The following ZNF778 variants were observed in gnomAD, a reference collection of about 807,000 sequenced individuals.
The protein encoded by ZNF778 is zinc finger protein 778.
Under a neutral mutation model 23.9 loss-of-function variants are expected in ZNF778, and 37 were observed. The observed-to-expected ratio is 1.54, with a 90% CI of 1.19 to 2.03. The LOEUF (loss-of-function observed/expected upper bound fraction) is 2.03, where lower values mean the gene tolerates loss of function less well. Ranked by LOEUF, ZNF778 falls within the 30% of genes most tolerant of loss-of-function variation. ZNF778 has a pLI of 0.00. For missense variants in ZNF778, 1,297 were observed against 934.4 expected (o/e 1.39, Z -5.06); for synonymous variants, 483 against 343.9 (o/e 1.40, Z -4.48).
rs1205985966 is a variant in ZNF778, at chr16:89,221,120, C to A, written c.-8C>A. The A allele has an allele frequency of 7.0e-6, 11 of 1,567,776 alleles. No individual in the cohort carries two copies. The highest frequency in any genetic ancestry group is 8.7e-6 in the Non-Finnish European group (10 of 1,155,846). ...GGAGCATTCAGACGCTTCCGTCAGC[C>A]TCCCAGGATGGCAGCCCCTGACCTG... On this transcript the variant is annotated 5_prime_UTR_variant, in exon 2 of 7. Transcript: ENST00000433976.
Position 89,226,662 on chromosome 16 carries a change from CCCCCTGACCACCA to C in ZNF778, c.406-30_406-18del, listed in dbSNP as rs2031495563. ...GAGATCTATGAATCAGCCTCAGTAA[CCCCCTGACCACCA>C]CTCATTCTTCACCAACAGGCAAGAA... On this transcript the variant is annotated intron_variant, in intron 6 of 6. Transcript: ENST00000433976. 1 of 1,566,698 alleles carries C rather than the reference CCCCCTGACCACCA, an allele frequency of 6.4e-7. No homozygotes were observed. Among genetic ancestry groups the C allele is most frequent in the South Asian group, 1.2e-5 (1 of 85,562 alleles).
chr16:89,232,942 C>CTAAGCAACTCAGCTCGCTCTGCG lies in ZNF778; in HGVS notation c.*4382_*4383insAGCAACTCAGCTCGCTCTGCGTA, dbSNP rs2032021767. On this transcript the variant is annotated 3_prime_UTR_variant, in exon 7 of 7. Coordinates refer to ENST00000433976, the MANE Select transcript of ZNF778 (RefSeq NM_001201407.2). ...CTGCGTATGCGAATCCACTCACTGC[C>CTAAGCAACTCAGCTCGCTCTGCG]TATGCAACTCAGCTCGCTCTGCGTA... 1.6e-6 allele frequency: 2 copies of CTAAGCAACTCAGCTCGCTCTGCG among 1,239,864 alleles called. No homozygotes were observed. Among genetic ancestry groups the CTAAGCAACTCAGCTCGCTCTGCG allele is most frequent in the Admixed American group, 2.6e-5 (1 of 39,120 alleles). The allele number at this position is 1,239,864 out of a possible 1,614,324, so 76.8% of individuals were successfully genotyped here.
rs555700449 is a variant in ZNF778 at position 89,223,339 on chromosome 16, T to A, written c.244+56T>A. The A allele has an allele frequency of 1.2e-5, 19 of 1,607,560 alleles. No homozygotes were observed. In the East Asian group the frequency reaches 2.9e-4, roughly 25 times the overall value. Reference sequence around the variant, plus strand: ...GTGGAACCAATACTTGATGTGTCCTTACTGTGTTCCAGGGTTGGTGACGGC... The same window carrying A: ...GTGGAACCAATACTTGATGTGTCCTAACTGTGTTCCAGGGTTGGTGACGGC... On this transcript the variant is annotated intron_variant, in intron 4 of 6. Transcript: ENST00000433976.
Position 89,233,057 on chromosome 16 carries a change from GTA to G in ZNF778, c.*4497_*4498del, listed in dbSNP as rs1394328178. ...GCGTATGCAACTCAGCTCGCTCTGC[GTA>G]TGCAACTCAGCTCGCACTGCGTATG... On this transcript the variant is annotated 3_prime_UTR_variant, in exon 7 of 7. Coordinates refer to ENST00000433976, the MANE Select transcript of ZNF778 (RefSeq NM_001201407.2). 38 of 1,236,066 alleles carry G rather than the reference GTA, an allele frequency of 3.1e-5. No individual in the cohort carries two copies. The African/African-American group carries it at 5.4e-4, about 18-fold the overall frequency. The allele number at this position is 1,236,066 out of a possible 1,614,324, so 76.6% of individuals were successfully genotyped here.
At position 89,225,632 on chromosome 16, in the gene ZNF778, G is replaced by T; in HGVS notation, c.405+1G>T. The T allele has an allele frequency of 6.2e-7, 1 of 1,611,216 alleles. No individual in the cohort carries two copies. The highest frequency in any genetic ancestry group is 1.1e-5 in the South Asian group (1 of 90,866). On this transcript the variant is annotated splice_donor_variant, in intron 6 of 6. Coordinates refer to ENST00000433976, the MANE Select transcript of ZNF778 (RefSeq NM_001201407.2). LOFTEE classifies it high-confidence loss of function. Reference sequence around the variant, plus strand: ...CAGAGCATCAAATGAGACACAGACGGTAAGATTAACAAGAGAGATTTTTTT... The same window carrying T: ...CAGAGCATCAAATGAGACACAGACGTTAAGATTAACAAGAGAGATTTTTTT...
rs199504578 is a variant in ZNF778 at position 89,221,113 on chromosome 16, C to T, written c.-15C>T. 3.8e-4 allele frequency: 597 copies of T among 1,566,374 alleles called. No homozygotes were observed. The highest frequency in any genetic ancestry group is 3.4e-4 in the Non-Finnish European group (388 of 1,155,172). Reference sequence around the variant, plus strand: ...CAGGAAAGGAGCATTCAGACGCTTCCGTCAGCCTCCCAGGATGGCAGCCCC... The same window carrying T: ...CAGGAAAGGAGCATTCAGACGCTTCTGTCAGCCTCCCAGGATGGCAGCCCC... On this transcript the variant is annotated 5_prime_UTR_variant, in exon 2 of 7. Coordinates refer to ENST00000433976, the MANE Select transcript of ZNF778 (RefSeq NM_001201407.2).
chr16:89,232,872 TGC>T lies in ZNF778; in HGVS notation c.*4312_*4313del, dbSNP rs2032007085. ...ACCGTGTATGCAAATCAACTCGCAC[TGC>T]GTATGCAACTCAACTCGCACTGCGT... On this transcript the variant is annotated 3_prime_UTR_variant, in exon 7 of 7. Transcript: ENST00000433976. 3 of 1,247,632 alleles carry T rather than the reference TGC, an allele frequency of 2.4e-6. No individual in the cohort carries two copies. The African/African-American group carries it at 5.4e-5, about 23-fold the overall frequency. 77.3% of individuals were successfully genotyped at this position (1,247,632 alleles called of 1,614,324 possible). A position where few individuals can be genotyped will look rare whatever the true frequency, so the allele number is the denominator to read the frequency against.
chr16:89,222,285 CCGAGT>C, intron 3 of ZNF778, 102 bp downstream of exon 3: 1 of 824,102 alleles, frequency 1.2e-6, no homozygotes, highest in East Asian at 3.0e-5. Flanking sequence ...CACTCAAGGA[CCGAGT>C]CCCTAGTTGA....
In ZNF778 at chr16:89,233,844, C is replaced by T. The variant is rs1160104500; in HGVS notation, c.*5282C>T. 2 of 1,290,494 alleles carry T rather than the reference C, an allele frequency of 1.5e-6. No individual in the cohort carries two copies. The highest frequency in any genetic ancestry group is 1.5e-5 in the African/African-American group (1 of 65,934). 79.9% of individuals were successfully genotyped at this position (1,290,494 alleles called of 1,614,324 possible). On this transcript the variant is annotated 3_prime_UTR_variant, in exon 7 of 7. Coordinates refer to ENST00000433976, the MANE Select transcript of ZNF778 (RefSeq NM_001201407.2). ...AACTGTTGCAAGTACTTATTTCCGG[C>T]CACTTCCTTTTTCTAACTACCACAC...
Position 89,229,143 on chromosome 16 carries a change from A to G in ZNF778, c.*581A>G, listed in dbSNP as rs1489978083. 2.0e-6 allele frequency: 2 copies of G among 986,130 alleles called. No individual in the cohort carries two copies. Among genetic ancestry groups the G allele is most frequent in the Non-Finnish European group, 2.4e-6 (2 of 830,492 alleles). 61.1% of individuals were successfully genotyped at this position (986,130 alleles called of 1,614,324 possible). Reference sequence around the variant, plus strand: ...AGAAATCCTCCAGTCTGGTTGCTACAGTGTCCACGTCGCAGCCTGGCTAAC... The same window carrying G: ...AGAAATCCTCCAGTCTGGTTGCTACGGTGTCCACGTCGCAGCCTGGCTAAC... On this transcript the variant is annotated 3_prime_UTR_variant, in exon 7 of 7. Coordinates refer to ENST00000433976, the MANE Select transcript of ZNF778 (RefSeq NM_001201407.2).
intron 6 of ZNF778, among the ~76,000 whole-genome samples, chr16:89,225,834 C>T (rs1304602258): frequency 1.3e-5 from 2 of 152,070 alleles, no homozygotes; most frequent in Admixed American, 6.6e-5. Context: ...CACACATCAG[C>T]GCACACATGA....
chr16:89,227,938 G>C lies in ZNF778; in HGVS notation c.1650G>C (p.Glu550Asp), dbSNP rs2031647784. 6.3e-7 allele frequency: 1 copy of C among 1,590,074 alleles called. No homozygotes were observed. Among genetic ancestry groups the C allele is most frequent in the East Asian group, 2.3e-5 (1 of 43,498 alleles). Residue 550 changes from glutamate to aspartate, a missense_variant, in exon 7 of 7, where the codon GAG (glutamate) becomes GAC (aspartate). Transcript: ENST00000433976. ...ACAATAGGGTTTATCTACTGAATGA[G>C]CATGTGAAAACTCACACAGAGGAGA... ...KAYNRVYLLNEHVKTHTEEKP... is the reference protein window; with the variant it reads ...KAYNRVYLLNDHVKTHTEEKP...
chr16:89,222,297 T>C (rs909342193), intron 3 of ZNF778, 114 bp downstream of exon 3: 2 of 649,716 alleles, frequency 3.1e-6, no homozygotes, highest in Admixed American at 3.6e-5. Context: ...GAGTCCCTAG[T>C]TGAACGCCTC....
At chr16:89,221,268 T>C (rs1445298983) in intron 2 of ZNF778, 116 bp downstream of exon 2, 3 of 1,229,570 alleles carry the variant, frequency 2.4e-6, no homozygotes, top group Non-Finnish European at 3.4e-6. Flanking sequence ...CTATTGCAGC[T>C]GCTGGAGTGA....
intron 4 of ZNF778, among the ~76,000 whole-genome samples, chr16:89,223,549 A>G (rs970015822): frequency 2.0e-5 from 3 of 152,176 alleles, no homozygotes; most frequent in Admixed American, 2.0e-4. Flanking sequence ...TGGGCCTGTC[A>G]TCTCTCCTGT....
chr16:89,225,491 G>A (rs2031392653), intron 5 of ZNF778, 64 bp from the exon 6 acceptor site: 4 of 1,302,820 alleles, frequency 3.1e-6, no homozygotes, highest in Non-Finnish European at 4.3e-6. Context: ...TTTCTGCCAT[G>A]TCTTATATGA....
At position 89,227,138 on chromosome 16, in the gene ZNF778, A is replaced by G. The variant is rs1294236871; in HGVS notation, c.850A>G (p.Arg284Gly). 2 of 1,613,916 alleles carry G rather than the reference A, an allele frequency of 1.2e-6. No individual in the cohort carries two copies. The highest frequency in any genetic ancestry group is 1.7e-6 in the Non-Finnish European group (2 of 1,179,910). ...MHAVRNPHVC[R>G]ECGKAFRYTA... ...TGCCGTCAGGAATCCCCACGTATGT[A>G]GGGAATGTGGGAAGGCCTTTAGGTA... The change falls in exon 7 of 7, where the codon AGG becomes GGG. Residue 284 changes from arginine (R) to glycine (G), a missense_variant. Physicochemically the swap from Arg to Gly is moderately radical, Grantham distance 125 (BLOSUM62 -2). Transcript: ENST00000433976.
rs202116634 is a variant in ZNF778 at position 89,226,904 on chromosome 16, G to C, written c.616G>C (p.Ala206Pro). ...QFSVLGQCGK[A>P]FSSTPNVVSQ... ...TTCCGTGTTGGGTCAGTGTGGAAAA[G>C]CCTTCAGCTCTACTCCAAATGTTGT... The change falls in exon 7 of 7, where the codon GCC becomes CCC. Residue 206 changes from alanine to proline, a missense_variant. Physicochemically the swap from Ala to Pro is conservative, Grantham distance 27. Coordinates refer to ENST00000433976, the MANE Select transcript of ZNF778 (RefSeq NM_001201407.2). 1.7e-4 allele frequency: 272 copies of C among 1,613,916 alleles called. 4 individuals are homozygous for C. The highest frequency in any genetic ancestry group is 1.5e-5 in the Non-Finnish European group (18 of 1,179,910).
rs199878884 is a variant in ZNF778, at chr16:89,228,485, G to T, written c.2197G>T (p.Asp733Tyr). 6.2e-7 allele frequency: 1 copy of T among 1,610,808 alleles called. No individual in the cohort carries two copies. The highest frequency in any genetic ancestry group is 1.3e-5 in the African/African-American group (1 of 74,656). Residue 733 changes from aspartate to tyrosine, a missense_variant, in exon 7 of 7, where the codon GAC becomes TAC. Transcript: ENST00000433976. ...YTEEQVFVCK[D>Y]CGKSFKNSSC... is the part of the protein sequence containing the mutation. Reference sequence around the variant, plus strand: ...TGAAGAGCAGGTTTTTGTATGTAAGGACTGTGGAAAATCTTTTAAGAATTC... The same window carrying T: ...TGAAGAGCAGGTTTTTGTATGTAAGTACTGTGGAAAATCTTTTAAGAATTC...
Sources: allele counts gnomAD v4.1 joint callset (sites outside exome capture counted in the v4.1 genomes callset), GRCh38; gene constraint gnomAD v4.1.1; transcripts MANE v1.5; gene names NCBI Gene and HGNC (gene_info 2026-07-23, HGNC 2026-07-21).